Variants in NSRP1 observed in about 807,000 individuals in gnomAD.
NSRP1 encodes nuclear speckle splicing regulatory protein 1.
A neutral mutation model predicts 54.7 loss-of-function variants in NSRP1; 24 were observed. That is an observed-to-expected ratio of 0.44 (90% CI 0.32 to 0.62). The LOEUF (loss-of-function observed/expected upper bound fraction) is 0.62, where lower values mean the gene tolerates loss of function less well. Ranked by LOEUF, NSRP1 falls within the 20% of genes least tolerant of loss-of-function variation. NSRP1 has a pLI of 0.06. For missense variants in NSRP1, 596 were observed against 651.2 expected, an observed-to-expected ratio of 0.92 and a Z score of 0.92; for synonymous variants, 210 against 213.8, an observed-to-expected ratio of 0.98 and a Z score of 0.15.
intron 2 of NSRP1, among the ~76,000 whole-genome samples, chr17:30,170,631 A>T (rs1463322790): frequency 2.0e-5 from 3 of 152,212 alleles, no homozygotes; most frequent in African/African-American, 7.2e-5. Context: ...TTAAAGGCTG[A>T]ATAATACTCC....
rs879921029 is a variant in NSRP1, at chr17:30,172,967, A to AT, written c.171+383dup. Among the ~76,000 whole-genome samples, 843 of 145,594 alleles carry AT rather than the reference A, an allele frequency of 5.8e-3. 5 individuals are homozygous for AT. The highest frequency in any genetic ancestry group is 6.9e-3 in the Middle Eastern group (2 of 288). On this transcript the variant is annotated intron_variant, in intron 3 of 6. Coordinates refer to ENST00000247026, the MANE Select transcript of NSRP1 (RefSeq NM_032141.4). ...AATATATAGATATATAGATATATAG[A>AT]TTTTTTTTTTTTTTGAGATTGAGTC...
At chr17:30,126,625 A>G (rs552805503) in intron 2 of NSRP1, among the ~76,000 whole-genome samples, 34 of 152,220 alleles carry the variant, frequency 2.2e-4, no homozygotes, top group African/African-American at 7.9e-4. Context: ...GTCTTGTTCT[A>G]TTGCCCAGGC....
At chr17:30,136,840 C>T (rs528255683) in intron 2 of NSRP1, among the ~76,000 whole-genome samples, 8 of 152,264 alleles carry the variant, frequency 5.3e-5, no homozygotes, top group African/African-American at 1.4e-4. Flanking sequence ...TGCTGATACA[C>T]AGCAGTAGTA....
At chr17:30,117,384 G>T in intron 1 of NSRP1, 1 of 475,716 alleles carries the variant, frequency 2.1e-6, no homozygotes, top group Non-Finnish European at 3.7e-6. Flanking sequence ...GACAAATACT[G>T]TACGTACTTG....
chr17:30,146,152 A>G (rs373632634), intron 2 of NSRP1, among the ~76,000 whole-genome samples: 1 of 152,114 alleles, frequency 6.6e-6, no homozygotes, highest in African/African-American at 2.4e-5. Context: ...CTTGGCCAAA[A>G]TATCGTTTTT....
chr17:30,140,315 G>T (rs1383166601), intron 2 of NSRP1, among the ~76,000 whole-genome samples: 1 of 151,988 alleles, frequency 6.6e-6, no homozygotes, highest in Non-Finnish European at 1.5e-5. Context: ...TTCCACTGTG[G>T]TAAATATTGA....
chr17:30,170,938 T>C (rs1411506476), intron 2 of NSRP1, among the ~76,000 whole-genome samples: 1 of 152,196 alleles, frequency 6.6e-6, no homozygotes, highest in Non-Finnish European at 1.5e-5. Context: ...TGCTAACCTT[T>C]ATTATTTTTT....
At chr17:30,142,566 A>AGAG (rs2071815660) in intron 2 of NSRP1, among the ~76,000 whole-genome samples, 1 of 152,132 alleles carries the variant, frequency 6.6e-6, no homozygotes, top group South Asian at 2.1e-4. Context: ...TCCTGGCCTC[A>AGAG]AACGATCCTC....
intron 2 of NSRP1, among the ~76,000 whole-genome samples, chr17:30,135,708 T>A (rs905482636): frequency 6.9e-6 from 1 of 144,872 alleles, no homozygotes; most frequent in African/African-American, 2.6e-5. Flanking sequence ...TCTCCTGACC[T>A]AGTGACCCGC....
chr17:30,165,052 A>G (rs1904681902), intron 2 of NSRP1, among the ~76,000 whole-genome samples: 3 of 152,220 alleles, frequency 2.0e-5, no homozygotes, highest in Admixed American at 2.0e-4. Context: ...AGCAAAATAC[A>G]AAATACCCTT....
intron 2 of NSRP1, among the ~76,000 whole-genome samples, chr17:30,137,629 T>C (rs1351652768): frequency 6.6e-6 from 1 of 152,240 alleles, no homozygotes; most frequent in Non-Finnish European, 1.5e-5. Flanking sequence ...TAACACAGGA[T>C]CAATTCTCAA....
At chr17:30,173,518 G>A (rs1169452911) in intron 3 of NSRP1, among the ~76,000 whole-genome samples, 1 of 151,684 alleles carries the variant, frequency 6.6e-6, no homozygotes, top group African/African-American at 2.4e-5. Flanking sequence ...AGGTGCCTTT[G>A]TTTTTCATTT....
intron 3 of NSRP1, among the ~76,000 whole-genome samples, chr17:30,174,111 A>G (rs1905048110): frequency 6.6e-6 from 1 of 152,194 alleles, no homozygotes; most frequent in African/African-American, 2.4e-5. Flanking sequence ...ATCCAAGGTA[A>G]TACAGGTATC....
intron 2 of NSRP1, chr17:30,154,704 C>G (rs1220336787): frequency 6.6e-6 from 1 of 150,734 alleles, no homozygotes; most frequent in Non-Finnish European, 1.5e-5. Flanking sequence ...AGAGTGAGAC[C>G]CTGTCTCAAA....
At chr17:30,159,806 G>A (rs1904444303) in intron 2 of NSRP1, among the ~76,000 whole-genome samples, 1 of 152,036 alleles carries the variant, frequency 6.6e-6, no homozygotes, top group Admixed American at 6.6e-5. Flanking sequence ...CTACAGGCAT[G>A]CACCACCATG....
At chr17:30,126,276 C>G (rs1247706656) in intron 2 of NSRP1, among the ~76,000 whole-genome samples, 3 of 152,176 alleles carry the variant, frequency 2.0e-5, no homozygotes, top group Non-Finnish European at 4.4e-5. Flanking sequence ...AACTGTTCCT[C>G]CATAAAAAGT....
intron 2 of NSRP1, among the ~76,000 whole-genome samples, chr17:30,143,846 A>G (rs191457364): frequency 8.5e-5 from 13 of 152,314 alleles, no homozygotes; most frequent in Admixed American, 2.0e-4. Context: ...ATTGTTTGCA[A>G]CTAAGTATAA....
chr17:30,180,714 A>G (rs2143010409), intron 5 of NSRP1, among the ~76,000 whole-genome samples, 194 bp from the exon 6 acceptor site: 1 of 152,360 alleles, frequency 6.6e-6, no homozygotes, highest in South Asian at 2.1e-4. Flanking sequence ...TGGACAATAC[A>G]TAAATGAACA....
chr17:30,117,148 C>A (rs764015534), intron 1 of NSRP1: 1 of 725,980 alleles, frequency 1.4e-6, no homozygotes, highest in East Asian at 2.6e-5. Flanking sequence ...TCTGAGGCCC[C>A]TCAGTCTTGC....
Sources: allele counts gnomAD v4.1 joint callset (sites outside exome capture counted in the v4.1 genomes callset), GRCh38; gene constraint gnomAD v4.1.1; transcripts MANE v1.5; gene names NCBI Gene and HGNC (gene_info 2026-07-23, HGNC 2026-07-21).